KLHL1: variants seen among roughly 807,000 people sequenced by gnomAD.
KLHL1 encodes the protein kelch like family member 1.
A neutral mutation model predicts 77.7 loss-of-function variants in KLHL1; 47 were observed. The ratio of observed to expected loss-of-function variants is 0.60; its 90% CI spans 0.48 to 0.77. KLHL1 has a LOEUF of 0.77. Ranked by LOEUF, KLHL1 falls within the 30% of genes least tolerant of loss-of-function variation. The pLI is 0.00. For synonymous variants in KLHL1, 360 were observed against 325.2 expected (o/e 1.11, Z -1.15); for missense variants, 925 against 910.8 (o/e 1.02, Z -0.20).
At chr13:69,795,017 T>C (rs1169918618) in intron 7 of KLHL1, among the ~76,000 whole-genome samples, 2 of 152,212 alleles carry the variant, frequency 1.3e-5, no homozygotes, top group East Asian at 1.9e-4. Context: ...AGGATGTTTA[T>C]TGTATTTGAG....
Position 70,107,247 on chromosome 13 carries a change from C to T in KLHL1, c.453G>A (p.Glu151=). 1 of 1,613,768 alleles carries T rather than the reference C, an allele frequency of 6.2e-7. No homozygotes were observed. Among genetic ancestry groups the T allele is most frequent in the Non-Finnish European group, 8.5e-7 (1 of 1,179,812 alleles). ...CTGTTGCCTGGCTAGAGTTGTCTGGCTCCACTTTGAGCTCTTGCAGAACCA... is the reference window on the plus strand; with the variant it reads ...CTGTTGCCTGGCTAGAGTTGTCTGGTTCCACTTTGAGCTCTTGCAGAACCA... ...KGLVLQELKV[E]PDNSSQATGE... is the part of the protein sequence containing the mutation. The change falls in exon 1 of 11, where the codon GAG becomes GAA. Residue 151 remains glutamate (E), a synonymous_variant. Coordinates refer to ENST00000377844, the MANE Select transcript of KLHL1 (RefSeq NM_020866.3).
chr13:69,779,376 CCCTCT>C (rs1394786973), intron 7 of KLHL1, among the ~76,000 whole-genome samples: 1 of 150,288 alleles, frequency 6.7e-6, no homozygotes, highest in African/African-American at 2.4e-5. Flanking sequence ...TCCTCCCCTC[CCCTCT>C]CCTCCCCTGT....
chr13:69,976,504 A>T (rs1384560837), intron 1 of KLHL1, among the ~76,000 whole-genome samples: 1 of 152,112 alleles, frequency 6.6e-6, no homozygotes, highest in East Asian at 1.9e-4. Flanking sequence ...AATAACTTTA[A>T]TAAGTGCTAT....
intron 3 of KLHL1, among the ~76,000 whole-genome samples, chr13:69,958,207 A>T (rs1388307778): frequency 2.6e-5 from 4 of 151,512 alleles, no homozygotes; most frequent in Non-Finnish European, 1.5e-5. Context: ...GCTGTCTCTC[A>T]ATGATACCAA....
intron 7 of KLHL1, among the ~76,000 whole-genome samples, chr13:69,780,048 T>C (rs900287582): frequency 6.6e-6 from 1 of 152,148 alleles, no homozygotes; most frequent in Non-Finnish European, 1.5e-5. Context: ...TCTCGGGTGA[T>C]CTACCCACCT....
chr13:69,790,672 T>C (rs1349395643), intron 7 of KLHL1, among the ~76,000 whole-genome samples: 1 of 148,740 alleles, frequency 6.7e-6, no homozygotes. Context: ...TATACTCTAC[T>C]AATTAATTGA....
chr13:69,809,911 A>AT (rs2138060243), intron 6 of KLHL1, among the ~76,000 whole-genome samples: 1 of 152,202 alleles, frequency 6.6e-6, no homozygotes, highest in Admixed American at 6.5e-5. Flanking sequence ...CGTTTATCAG[A>AT]TAAAATAGAG....
intron 1 of KLHL1, among the ~76,000 whole-genome samples, chr13:70,013,799 TA>T (rs1006594338): frequency 1.3e-5 from 2 of 152,150 alleles, no homozygotes; most frequent in African/African-American, 4.8e-5. Context: ...TGAGCTATAT[TA>T]AAAAACAAAC....
At chr13:69,964,686 T>G (rs967358408) in intron 2 of KLHL1, among the ~76,000 whole-genome samples, 3 of 152,150 alleles carry the variant, frequency 2.0e-5, no homozygotes, top group Non-Finnish European at 4.4e-5. Context: ...TCAATTTTTG[T>G]TTTCCTCTCT....
chr13:69,991,407 A>T (rs909416488), intron 1 of KLHL1, among the ~76,000 whole-genome samples: 5 of 151,832 alleles, frequency 3.3e-5, no homozygotes, highest in Non-Finnish European at 5.9e-5. Flanking sequence ...CAACAACAAC[A>T]ACAAAAAACA....
At chr13:69,934,781 C>A (rs2138288009) in intron 4 of KLHL1, among the ~76,000 whole-genome samples, 1 of 151,838 alleles carries the variant, frequency 6.6e-6, no homozygotes, top group South Asian at 2.1e-4. Flanking sequence ...AGATCATTGG[C>A]AATCCATTTT....
chr13:69,875,606 T>A (rs577175065), intron 5 of KLHL1, among the ~76,000 whole-genome samples: 1 of 152,170 alleles, frequency 6.6e-6, no homozygotes, highest in African/African-American at 2.4e-5. Flanking sequence ...TTTGTGCATG[T>A]GAATGTCCTT....
At chr13:69,927,518 C>A (rs866452959) in intron 4 of KLHL1, among the ~76,000 whole-genome samples, 2 of 152,030 alleles carry the variant, frequency 1.3e-5, no homozygotes, top group African/African-American at 2.4e-5. Flanking sequence ...ATAGTTGATA[C>A]GAGATTTATA....
At chr13:70,050,857 C>A (rs916615007) in intron 1 of KLHL1, among the ~76,000 whole-genome samples, 5 of 151,910 alleles carry the variant, frequency 3.3e-5, no homozygotes, top group African/African-American at 1.2e-4. Flanking sequence ...TTTTTATATG[C>A]ATTAACTAAT....
At chr13:69,815,709 A>C (rs1172966541) in intron 6 of KLHL1, among the ~76,000 whole-genome samples, 1 of 152,116 alleles carries the variant, frequency 6.6e-6, no homozygotes. Context: ...GGAATCTAAA[A>C]TTTTTTAAAA....
At chr13:69,911,610 C>G in intron 4 of KLHL1, among the ~76,000 whole-genome samples, 1 of 149,012 alleles carries the variant, frequency 6.7e-6, no homozygotes, top group Non-Finnish European at 1.5e-5. Context: ...GTAACTCAAA[C>G]AATGCTAAGA....
intron 5 of KLHL1, among the ~76,000 whole-genome samples, chr13:69,867,005 T>C (rs775903945): frequency 3.9e-5 from 6 of 152,114 alleles, no homozygotes; most frequent in Non-Finnish European, 4.4e-5. Context: ...TTGGACAATA[T>C]TAACTCTAGG....
intron 6 of KLHL1, among the ~76,000 whole-genome samples, chr13:69,834,528 C>A (rs1395104032): frequency 1.3e-5 from 2 of 151,934 alleles, no homozygotes; most frequent in African/African-American, 4.8e-5. Flanking sequence ...TGATAAATAG[C>A]ATATTATACT....
chr13:69,866,484 G>A (rs1373109535), intron 5 of KLHL1, among the ~76,000 whole-genome samples: 3 of 152,056 alleles, frequency 2.0e-5, no homozygotes, highest in Non-Finnish European at 4.4e-5. Context: ...AAATCATCTA[G>A]AACAGTGATT....
Sources: allele counts gnomAD v4.1 joint callset (sites outside exome capture counted in the v4.1 genomes callset), GRCh38; gene constraint gnomAD v4.1.1; transcripts MANE v1.5; gene names NCBI Gene and HGNC (gene_info 2026-07-23, HGNC 2026-07-21).